Variants in MED14 observed in about 807,000 individuals in gnomAD.
The protein encoded by MED14 is mediator of RNA polymerase II transcription subunit 14.
A neutral mutation model predicts 109.0 loss-of-function variants in MED14; 8 were observed. The ratio of observed to expected loss-of-function variants is 0.07; its 90% CI spans 0.04 to 0.13. The LOEUF is 0.13. Among genes scored for constraint, MED14 ranks in the 10% least tolerant of loss-of-function variants. MED14 has a pLI of 1.00. For synonymous variants in MED14, 399 were observed against 408.7 expected (o/e 0.98, Z 0.29); for missense variants, 711 against 1,142.4 (o/e 0.62, Z 5.44).
chrX:40,714,834 A>G, intron 3 of MED14, 124 bp from the exon 4 acceptor site: 1 of 612,755 alleles, frequency 1.6e-6, no homozygotes, highest in East Asian at 3.7e-5. Context: ...CATATTTCAA[A>G]GTAGTTCTTC....
chrX:40,683,892 C>T (rs1389276305), intron 16 of MED14, among the ~76,000 whole-genome samples: 2 of 111,930 alleles, frequency 1.8e-5, no homozygotes, highest in Non-Finnish European at 3.8e-5. Flanking sequence ...AAATACCTAC[C>T]TATCCATTTT....
At chrX:40,692,683 T>C in intron 14 of MED14, 25 bp downstream of exon 14, 1 of 1,177,052 alleles carries the variant, frequency 8.5e-7, no homozygotes, top group Non-Finnish European at 1.1e-6. Flanking sequence ...ACAAATTCTG[T>C]GCTCATTTTC....
intron 30 of MED14, 195 bp downstream of exon 30, chrX:40,654,169 G>A (rs1928974900): frequency 7.2e-6 from 3 of 419,255 alleles, no homozygotes; most frequent in Non-Finnish European, 4.1e-6. Context: ...CAGAGAAATG[G>A]ACAAAAATGA....
chrX:40,651,349 G>A lies in MED14; in HGVS notation c.*457C>T. On this transcript the variant is annotated 3_prime_UTR_variant, in exon 31 of 31. Coordinates refer to ENST00000324817, the MANE Select transcript of MED14 (RefSeq NM_004229.4). The stretch of plus-strand genomic sequence containing the variant: ...TATAACAACTCCCAGAACATTTCAT[G>A]TAAGGATTCAAAGCGGTCATATTAA... 2.7e-6 allele frequency: 2 copies of A among 750,072 alleles called. No homozygotes were observed. The highest frequency in any genetic ancestry group is 3.1e-6 in the Non-Finnish European group (2 of 635,289). 61.8% of individuals were successfully genotyped at this position (750,072 alleles called of 1,213,427 possible).
intron 16 of MED14, among the ~76,000 whole-genome samples, chrX:40,685,715 A>T (rs1930270245): frequency 8.9e-6 from 1 of 112,366 alleles, no homozygotes. Flanking sequence ...AATTTGCACA[A>T]GGCAACAGGT....
rs1930375414 is a variant in MED14, at chrX:40,688,438, T to C, written c.2057+16A>G. ...GCAACATGTGGCACCAAGTGAAACA[T>C]ATGACAGGGGCTTACTTTAATAAGC... On this transcript the variant is annotated intron_variant, in intron 16 of 30. Transcript: ENST00000324817. 4.3e-6 allele frequency: 5 copies of C among 1,169,928 alleles called. No homozygotes were observed. The highest frequency in any genetic ancestry group is 2.2e-5 in the Admixed American group (1 of 45,603).
chrX:40,701,068 A>C lies in MED14; in HGVS notation c.1490+97T>G, dbSNP rs1357294104. 8.8e-6 allele frequency: 5 copies of C among 566,727 alleles called. No homozygotes were observed. The Admixed American group carries it at 1.7e-4, about 19-fold the overall frequency. The allele number at this position is 566,727 out of a possible 1,213,427, so 46.7% of individuals were successfully genotyped here. A position where few individuals can be genotyped will look rare whatever the true frequency, so the allele number is the denominator to read the frequency against. On this transcript the variant is annotated intron_variant, in intron 12 of 30. Coordinates refer to ENST00000324817, the MANE Select transcript of MED14 (RefSeq NM_004229.4). Reference sequence around the variant, plus strand: ...ACTTAAGTTTCATGTCATAAACCTTAAGGACAGTGAATGACCAAGAGTAAT... The same window carrying C: ...ACTTAAGTTTCATGTCATAAACCTTCAGGACAGTGAATGACCAAGAGTAAT...
chrX:40,649,149 A>T lies in MED14; in HGVS notation c.*2657T>A, dbSNP rs986131672. 1 of 112,506 alleles carries T rather than the reference A, an allele frequency of 8.9e-6. No homozygotes were observed. Among genetic ancestry groups the T allele is most frequent in the Non-Finnish European group, 1.9e-5 (1 of 53,351 alleles). The allele number at this position is 112,506 out of a possible 1,213,427, so 9.3% of individuals were successfully genotyped here. ...CATCAGAATCCAGGGTAGCAAAGTT[A>T]TAACTTCTTGAAGTTATCAAATTAA... On this transcript the variant is annotated 3_prime_UTR_variant, in exon 31 of 31. Coordinates refer to ENST00000324817, the MANE Select transcript of MED14 (RefSeq NM_004229.4).
At chrX:40,690,387 G>A (rs1183427265) in intron 15 of MED14, among the ~76,000 whole-genome samples, 1 of 111,462 alleles carries the variant, frequency 9.0e-6, no homozygotes, top group Admixed American at 9.5e-5. Context: ...GCAAACAACA[G>A]CTCATGAGCC....
chrX:40,671,796 TG>T, intron 23 of MED14, 64 bp downstream of exon 23: 1 of 686,837 alleles, frequency 1.5e-6, no homozygotes, highest in Admixed American at 2.7e-5. Flanking sequence ...CTTCTCAATG[TG>T]GGGTGTGTGT....
At chrX:40,658,772 A>G (rs1929163245) in intron 28 of MED14, among the ~76,000 whole-genome samples, 1 of 107,350 alleles carries the variant, frequency 9.3e-6, no homozygotes, top group Admixed American at 1.0e-4. Flanking sequence ...CTGAGGTGGG[A>G]GAATCACCTG....
intron 30 of MED14, among the ~76,000 whole-genome samples, chrX:40,652,477 T>C (rs995833349): frequency 1.8e-5 from 2 of 112,368 alleles, no homozygotes; most frequent in African/African-American, 6.5e-5. Flanking sequence ...TGCTGGCTAG[T>C]GGCAGTTATA....
chrX:40,714,699 G>A lies in MED14; in HGVS notation c.360C>T (p.Ser120=). The A allele has an allele frequency of 8.3e-7, 1 of 1,208,888 alleles. No homozygotes were observed. The highest frequency in any genetic ancestry group is 1.1e-6 in the Non-Finnish European group (1 of 893,935). The change falls in exon 4 of 31, where the codon AGC becomes AGT. Residue 120 remains serine, a synonymous_variant. Transcript: ENST00000324817. ...GKVEKCAMIS[S]FLDQQAILFV... Reference sequence around the variant, plus strand: ...ACAGGATGGCTTGCTGATCTAAAAAGCTTGAAATCATCTTTAAAGTAAAGG... The same window carrying A: ...ACAGGATGGCTTGCTGATCTAAAAAACTTGAAATCATCTTTAAAGTAAAGG...
chrX:40,664,293 T>C lies in MED14; in HGVS notation c.3448+14A>G, dbSNP rs759560780. ...TATACTAAAAAAGAACATAAAAATG[T>C]TGATGATACTTACTTGTTCCAGCTC... On this transcript the variant is annotated intron_variant, in intron 25 of 30. Coordinates refer to ENST00000324817, the MANE Select transcript of MED14 (RefSeq NM_004229.4). The C allele has an allele frequency of 6.7e-6, 8 of 1,187,242 alleles. No individual in the cohort carries two copies. Among genetic ancestry groups the C allele is most frequent in the Non-Finnish European group, 9.1e-6 (8 of 883,140 alleles).
chrX:40,659,117 A>G lies in MED14; in HGVS notation c.3972+110T>C, dbSNP rs775621888. The stretch of plus-strand genomic sequence containing the variant: ...TTAAGTTAAAAATTAAGAATTTAAG[A>G]GAAAAATAGAAGAAACTACATAGAT... On this transcript the variant is annotated intron_variant, in intron 28 of 30. Transcript: ENST00000324817. 29 of 393,985 alleles carry G rather than the reference A, an allele frequency of 7.4e-5. 1 individual carries two copies. The South Asian group carries it at 2.7e-3, about 37-fold the overall frequency. The allele number at this position is 393,985 out of a possible 1,213,427, so 32.5% of individuals were successfully genotyped here. A position where few individuals can be genotyped will look rare whatever the true frequency, so the allele number is the denominator to read the frequency against.
intron 1 of MED14, among the ~76,000 whole-genome samples, chrX:40,734,525 A>C (rs1171003095): frequency 2.7e-5 from 3 of 112,453 alleles, no homozygotes; most frequent in Non-Finnish European, 5.6e-5. Context: ...AGAGTCCCAA[A>C]ATGTTACGGT....
At chrX:40,729,476 A>G in intron 1 of MED14, 131 bp from the exon 2 acceptor site, 1 of 559,116 alleles carries the variant, frequency 1.8e-6, no homozygotes, top group Non-Finnish European at 2.8e-6. Context: ...CTACAGGCTC[A>G]TGTAGCTACC....
chrX:40,671,844 A>T lies in MED14; in HGVS notation c.3133+17T>A. 9.2e-7 allele frequency: 1 copy of T among 1,089,435 alleles called. No individual in the cohort carries two copies. Among genetic ancestry groups the T allele is most frequent in the Non-Finnish European group, 1.3e-6 (1 of 797,256 alleles). 89.8% of individuals were successfully genotyped at this position (1,089,435 alleles called of 1,213,427 possible). A position where few individuals can be genotyped will look rare whatever the true frequency, so the allele number is the denominator to read the frequency against. ...ATTTGAAAGTTGAACATGACAAGAG[A>T]ATAAGTAATATCTTACCTGGAGACT... On this transcript the variant is annotated intron_variant, in intron 23 of 30. Transcript: ENST00000324817.
chrX:40,729,273 A>G, intron 2 of MED14, 46 bp downstream of exon 2: 2 of 1,162,387 alleles, frequency 1.7e-6, no homozygotes, highest in Non-Finnish European at 2.3e-6. Flanking sequence ...ACACTCATAG[A>G]TTGATCAATA....
Sources: allele counts gnomAD v4.1 joint callset (sites outside exome capture counted in the v4.1 genomes callset), GRCh38; gene constraint gnomAD v4.1.1; transcripts MANE v1.5; gene names NCBI Gene and HGNC (gene_info 2026-07-23, HGNC 2026-07-21).